The following ADGRV1 variants were observed in gnomAD, a reference collection of about 807,000 sequenced individuals.
The protein encoded by ADGRV1 is adhesion G protein-coupled receptor V1, also known as G-protein coupled receptor 98.
A neutral mutation model predicts 596.2 loss-of-function variants in ADGRV1; 359 were observed. That is an observed-to-expected ratio of 0.60 (90% CI 0.55 to 0.66). ADGRV1 has a LOEUF of 0.66. Among genes scored for constraint, ADGRV1 ranks in the 30% least tolerant of loss-of-function variants. The pLI is 0.00. For synonymous variants in ADGRV1, 2,681 were observed against 2,679.2 expected (o/e 1.00, Z -0.02); for missense variants, 7,274 against 7,575.6 (o/e 0.96, Z 1.48).
chr5:90,818,022 G>T lies in ADGRV1; in HGVS notation c.16196+2286G>T, dbSNP rs1305151373. ...CCTTGGGCACTATGGCCATTTTCACGATATTGATTCTTCCTACCCATGAGC... is the reference window on the plus strand; with the variant it reads ...CCTTGGGCACTATGGCCATTTTCACTATATTGATTCTTCCTACCCATGAGC... On this transcript the variant is annotated intron_variant, in intron 75 of 89. Transcript: ENST00000405460. Among the ~76,000 whole-genome samples the T allele has an allele frequency of 2.3e-3, 355 of 151,880 alleles. 1 individual carries two copies. Among genetic ancestry groups the T allele is most frequent in the African/African-American group, 8.3e-3 (345 of 41,350 alleles).
In ADGRV1 at chr5:90,923,911, A is replaced by G. The variant is rs374816853; in HGVS notation, c.17857-41504A>G. ...TTTTTTGTTCTTGCGATAGTTTACT[A>G]AGAATGATGATTTCCAATTTCATCC... On this transcript the variant is annotated intron_variant, in intron 83 of 89. Transcript: ENST00000405460. 8.4e-3 allele frequency among the ~76,000 whole-genome samples: 1,275 copies of G among 151,762 alleles called. 19 individuals are homozygous for G. Among genetic ancestry groups the G allele is most frequent in the African/African-American group, 0.029 (1,210 of 41,244 alleles).
At chr5:90,594,876 GTCTACTTCTT>G (rs1234438216) in intron 1 of ADGRV1, among the ~76,000 whole-genome samples, 1 of 150,410 alleles carries the variant, frequency 6.6e-6, no homozygotes, top group African/African-American at 2.5e-5. Flanking sequence ...AGTCTCCCAT[GTCTACTTCTT>G]TCTACACAGA....
At chr5:90,628,470 G>A (rs1451468309) in intron 7 of ADGRV1, 92 bp from the exon 8 acceptor site, 5 of 1,016,748 alleles carry the variant, frequency 4.9e-6, no homozygotes, top group Non-Finnish European at 4.5e-6. Flanking sequence ...GTTTTTATCA[G>A]TGTCTAATGG....
intron 38 of ADGRV1, among the ~76,000 whole-genome samples, chr5:90,708,614 G>T (rs1748918231): frequency 6.6e-6 from 1 of 151,736 alleles, no homozygotes; most frequent in Non-Finnish European, 1.5e-5. Flanking sequence ...TTTCATGTGG[G>T]TCAACCTAAT....
At chr5:91,076,030 G>A (rs1788828707) in intron 86 of ADGRV1, among the ~76,000 whole-genome samples, 3 of 152,150 alleles carry the variant, frequency 2.0e-5, no homozygotes, top group Admixed American at 2.0e-4. Flanking sequence ...TAAGTGATAT[G>A]GGAAAATGTA....
intron 72 of ADGRV1, among the ~76,000 whole-genome samples, chr5:90,806,875 C>T (rs1000954534): frequency 1.2e-4 from 18 of 151,116 alleles, no homozygotes; most frequent in Non-Finnish European, 2.5e-4. Context: ...TTTTTTGAGA[C>T]AGAGTCTTGC....
At position 90,720,253 on chromosome 5, in the gene ADGRV1, T is replaced by C. The variant is rs748139396; in HGVS notation, c.9623+30T>C. 13 of 1,350,692 alleles carry C rather than the reference T, an allele frequency of 9.6e-6. No individual in the cohort carries two copies. In the South Asian group the frequency reaches 1.6e-4, roughly 17 times the overall value. 83.7% of individuals were successfully genotyped at this position (1,350,692 alleles called of 1,614,324 possible). A position where few individuals can be genotyped will look rare whatever the true frequency, so the allele number is the denominator to read the frequency against. On this transcript the variant is annotated intron_variant, in intron 44 of 89. Transcript: ENST00000405460. ...AGTTTATTCATAAGGAAATTATCACTTCTGAAGCTATAAGTAGGGAATATT... is the reference window on the plus strand; with the variant it reads ...AGTTTATTCATAAGGAAATTATCACCTCTGAAGCTATAAGTAGGGAATATT...
At chr5:90,697,742 G>A (rs1006305562) in intron 34 of ADGRV1, among the ~76,000 whole-genome samples, 4 of 152,038 alleles carry the variant, frequency 2.6e-5, no homozygotes, top group Non-Finnish European at 5.9e-5. Context: ...GTTTTGCATA[G>A]ATGGGCTAAT....
intron 59 of ADGRV1, among the ~76,000 whole-genome samples, chr5:90,764,184 C>T (rs981863500): frequency 6.6e-6 from 1 of 152,192 alleles, no homozygotes. Flanking sequence ...TTCATAAAGA[C>T]TTTGTCCTTT....
intron 11 of ADGRV1, among the ~76,000 whole-genome samples, chr5:90,638,189 A>T (rs1766486558): frequency 6.6e-6 from 1 of 151,994 alleles, no homozygotes; most frequent in Non-Finnish European, 1.5e-5. Flanking sequence ...CACTACAGAG[A>T]GAATTTATGG....
chr5:90,851,630 G>C (rs2443091), intron 79 of ADGRV1, among the ~76,000 whole-genome samples: 63,084 of 151,958 alleles, frequency 0.42, 15,316 homozygotes, highest in Admixed American at 0.6. Context: ...TGAATTTGCG[G>C]TGGTGCCAAT....
intron 10 of ADGRV1, among the ~76,000 whole-genome samples, chr5:90,636,512 T>C (rs1478423818): frequency 6.6e-6 from 1 of 152,242 alleles, no homozygotes; most frequent in African/African-American, 2.4e-5. Flanking sequence ...TGATTGCTTT[T>C]ATCTTAGATA....
At position 90,982,599 on chromosome 5, in the gene ADGRV1, C is replaced by T. The variant is rs573175910; in HGVS notation, c.17974-2745C>T. ...AAGAACTGTAACTACAGTTAGACCT[C>T]ACAGGGACTGTGAGCATTCTTCTCT... On this transcript the variant is annotated intron_variant, in intron 84 of 89. Coordinates refer to ENST00000405460, the MANE Select transcript of ADGRV1 (RefSeq NM_032119.4). 1.2e-3 allele frequency among the ~76,000 whole-genome samples: 177 copies of T among 152,312 alleles called. 1 individual carries two copies. The highest frequency in any genetic ancestry group is 3.6e-3 in the African/African-American group (150 of 41,584).
chr5:90,756,769 G>T, intron 56 of ADGRV1, 139 bp downstream of exon 56: 1 of 810,018 alleles, frequency 1.2e-6, no homozygotes, highest in South Asian at 2.1e-5. Context: ...TAATTCTTAG[G>T]TCTCTTTGGG....
intron 53 of ADGRV1, 62 bp from the exon 54 acceptor site, chr5:90,753,512 A>C: frequency 3.3e-6 from 4 of 1,228,370 alleles, no homozygotes; most frequent in Non-Finnish European, 4.6e-6. Context: ...AATTTTTAAA[A>C]TATTCTTACT....
intron 75 of ADGRV1, among the ~76,000 whole-genome samples, chr5:90,819,129 G>A (rs1030620986): frequency 3.3e-5 from 5 of 151,852 alleles, no homozygotes; most frequent in African/African-American, 1.2e-4. Flanking sequence ...CAACTTCTTT[G>A]TGGTTTAGTC....
intron 21 of ADGRV1, among the ~76,000 whole-genome samples, chr5:90,671,312 C>T (rs375156044): frequency 6.6e-6 from 1 of 152,210 alleles, no homozygotes; most frequent in Non-Finnish European, 1.5e-5. Flanking sequence ...ATTAGAAATT[C>T]TGGTTCTGGC....
chr5:90,841,352 G>T (rs1434191410), intron 78 of ADGRV1, among the ~76,000 whole-genome samples: 1 of 152,126 alleles, frequency 6.6e-6, no homozygotes, highest in Non-Finnish European at 1.5e-5. Context: ...TAAGAAAAAG[G>T]ACTTGAGCTA....
chr5:90,729,321 T>A (rs1473450976), intron 49 of ADGRV1, among the ~76,000 whole-genome samples: 2 of 152,178 alleles, frequency 1.3e-5, no homozygotes, highest in Admixed American at 1.3e-4. Flanking sequence ...TTCAGAATAT[T>A]CTTGGAAGGA....
Sources: gnomAD v4.1 joint callset for allele counts (sites outside exome capture counted in the v4.1 genomes callset) on GRCh38, gnomAD v4.1.1 for gene constraint, MANE v1.5 for transcripts, NCBI Gene and HGNC (gene_info 2026-07-23, HGNC 2026-07-21) for gene names.